Variants in SLCO2A1 observed in about 807,000 individuals in gnomAD.
SLCO2A1 encodes the protein solute carrier organic anion transporter family member 2A1.
Under a neutral mutation model 71.7 loss-of-function variants are expected in SLCO2A1, and 60 were observed. That is an observed-to-expected ratio of 0.84 (90% CI 0.68 to 1.04). The LOEUF (loss-of-function observed/expected upper bound fraction) is 1.04. Ranked by LOEUF, SLCO2A1 falls within the 50% of genes least tolerant of loss-of-function variation. SLCO2A1 has a pLI of 0.00. For synonymous variants in SLCO2A1, 308 were observed against 326.7 expected (o/e 0.94, Z 0.62); for missense variants, 745 against 813.4 (o/e 0.92, Z 1.02).
chr3:133,935,961 G>A (rs1045379146), intron 12 of SLCO2A1, 64 bp from the exon 13 acceptor site: 14 of 1,443,256 alleles, frequency 9.7e-6, no homozygotes, highest in Non-Finnish European at 1.3e-5. Context: ...CAGCAGGGGT[G>A]TGGGAGCCAA....
In SLCO2A1 at chr3:133,933,705, T is replaced by A. The variant is rs1244193867; in HGVS notation, c.*1008A>T. 6.6e-6 allele frequency: 1 copy of A among 152,278 alleles called. No homozygotes were observed. The highest frequency in any genetic ancestry group is 1.5e-5 in the Non-Finnish European group (1 of 68,082). The allele number at this position is 152,278 out of a possible 1,614,324, so 9.4% of individuals were successfully genotyped here. A position where few individuals can be genotyped will look rare whatever the true frequency, so the allele number is the denominator to read the frequency against. On this transcript the variant is annotated 3_prime_UTR_variant, in exon 14 of 14. Transcript: ENST00000310926. Reference sequence around the variant, plus strand: ...TGGTGACAGTGGACATCCACTCTGCTTCATCACTTGCTTTGCTGACATCTC... The same window carrying A: ...TGGTGACAGTGGACATCCACTCTGCATCATCACTTGCTTTGCTGACATCTC...
intron 12 of SLCO2A1, among the ~76,000 whole-genome samples, chr3:133,938,101 G>T (rs1275823484): frequency 1.3e-5 from 2 of 152,222 alleles, no homozygotes; most frequent in Non-Finnish European, 2.9e-5. Context: ...TGGCAGGAAT[G>T]CAAAGTTTTG....
intron 3 of SLCO2A1, among the ~76,000 whole-genome samples, chr3:133,956,364 C>T (rs1364568549): frequency 6.6e-6 from 1 of 152,162 alleles, no homozygotes; most frequent in Non-Finnish European, 1.5e-5. Context: ...CCCCTCTCCC[C>T]AGTCGCACAC....
At chr3:133,964,361 C>A (rs936956414) in intron 3 of SLCO2A1, among the ~76,000 whole-genome samples, 3 of 152,092 alleles carry the variant, frequency 2.0e-5, no homozygotes, top group Admixed American at 1.3e-4. Context: ...ATATTATAAC[C>A]TGGGACATAG....
Position 133,942,605 on chromosome 3 carries a change from C to T in SLCO2A1, c.1625G>A (p.Arg542His), listed in dbSNP as rs770432752. The T allele has an allele frequency of 2.6e-5, 42 of 1,609,888 alleles. No homozygotes were observed. The highest frequency in any genetic ancestry group is 3.3e-5 in the Non-Finnish European group (39 of 1,177,960). Residue 542 changes from arginine to histidine, a missense_variant and splice_region_variant, in exon 11 of 14, where the codon CGT (arginine) becomes CAT (histidine). Coordinates refer to ENST00000310926, the MANE Select transcript of SLCO2A1 (RefSeq NM_005630.3). ...AGACTCACAGAGGTTTGCCACTCAC[C>T]GCAGAACCATCATGTAGAGGGGGTT... ...SHNPLYMMVL[R>H]VVNQEEKSFA...
At chr3:134,029,619 T>C in intron 1 of SLCO2A1, 88 bp downstream of exon 1, 2 of 1,112,166 alleles carry the variant, frequency 1.8e-6, no homozygotes, top group Non-Finnish European at 2.5e-6. Flanking sequence ...TCCCGGAGCC[T>C]CCTGGCTCCG....
intron 1 of SLCO2A1, among the ~76,000 whole-genome samples, chr3:134,014,199 C>T (rs1468644145): frequency 6.6e-6 from 1 of 152,140 alleles, no homozygotes; most frequent in Non-Finnish European, 1.5e-5. Context: ...GGGGTCTGCC[C>T]TGTTCGGGGG....
intron 1 of SLCO2A1, among the ~76,000 whole-genome samples, chr3:133,998,011 T>C (rs1157183330): frequency 6.6e-6 from 1 of 152,180 alleles, no homozygotes; most frequent in Non-Finnish European, 1.5e-5. Flanking sequence ...GCTGGCTGTC[T>C]TATGCCAGGG....
chr3:133,956,978 T>A (rs983279959), intron 3 of SLCO2A1, among the ~76,000 whole-genome samples: 2 of 152,254 alleles, frequency 1.3e-5, no homozygotes, highest in African/African-American at 4.8e-5. Context: ...GAAATACTTT[T>A]GAAATAAAGC....
At chr3:133,998,203 C>T (rs1935019958) in intron 1 of SLCO2A1, among the ~76,000 whole-genome samples, 1 of 152,222 alleles carries the variant, frequency 6.6e-6, no homozygotes. Context: ...CACACATTTC[C>T]TCCTCCAGCT....
chr3:134,007,467 T>G (rs1488291151), intron 1 of SLCO2A1, among the ~76,000 whole-genome samples: 1 of 152,244 alleles, frequency 6.6e-6, no homozygotes, highest in African/African-American at 2.4e-5. Flanking sequence ...ATTTAGATCT[T>G]TTATTCATTT....
chr3:133,982,293 A>C (rs896784527), intron 1 of SLCO2A1, among the ~76,000 whole-genome samples: 12 of 152,120 alleles, frequency 7.9e-5, no homozygotes, highest in African/African-American at 2.9e-4. Context: ...CTAAAGACTA[A>C]TGCCCCCAAA....
chr3:133,970,263 G>A (rs930618431), intron 3 of SLCO2A1, among the ~76,000 whole-genome samples: 1 of 152,094 alleles, frequency 6.6e-6, no homozygotes, highest in African/African-American at 2.4e-5. Context: ...GCCCTACGAG[G>A]GCTATAAAAT....
At chr3:133,991,688 T>G (rs1028376545) in intron 1 of SLCO2A1, among the ~76,000 whole-genome samples, 1 of 151,804 alleles carries the variant, frequency 6.6e-6, no homozygotes, top group Non-Finnish European at 1.5e-5. Context: ...AAGAGGGGAG[T>G]GGCTAGGCTG....
intron 2 of SLCO2A1, among the ~76,000 whole-genome samples, chr3:133,975,673 C>T (rs941500971): frequency 2.0e-5 from 3 of 152,320 alleles, no homozygotes; most frequent in Non-Finnish European, 4.4e-5. Context: ...TCCAGCCATA[C>T]TGCCCCCAGC....
Position 133,948,480 on chromosome 3 carries a change from G to T in SLCO2A1, c.1105+56C>A, listed in dbSNP as rs962745905. The T allele has an allele frequency of 4.5e-6, 7 of 1,564,318 alleles. No homozygotes were observed. The Middle Eastern group carries it at 7.0e-4, about 156-fold the overall frequency. On this transcript the variant is annotated intron_variant, in intron 8 of 13. Transcript: ENST00000310926. The stretch of plus-strand genomic sequence containing the variant: ...CCATCCCTGGATGGGTGGCTGGAGT[G>T]CCTGCCTCCTGGCCCAGGCAAGCCC...
At chr3:134,006,967 C>A (rs1033261734) in intron 1 of SLCO2A1, among the ~76,000 whole-genome samples, 1 of 152,214 alleles carries the variant, frequency 6.6e-6, no homozygotes, top group African/African-American at 2.4e-5. Context: ...CAATTTCTCT[C>A]CATCCTCAAA....
intron 11 of SLCO2A1, chr3:133,942,332 C>G (rs947860479): frequency 6.2e-6 from 2 of 323,728 alleles, no homozygotes; most frequent in South Asian, 1.9e-4. Flanking sequence ...AGAGTGGAGG[C>G]GCCAACAGGG....
chr3:133,997,435 G>A lies in SLCO2A1; in HGVS notation c.97-17817C>T, dbSNP rs557158905. On this transcript the variant is annotated intron_variant, in intron 1 of 13. Coordinates refer to ENST00000310926, the MANE Select transcript of SLCO2A1 (RefSeq NM_005630.3). The stretch of plus-strand genomic sequence containing the variant: ...AATCAAGTTAACATGAGACCATGCT[G>A]AAATCAAGTGGGCTCTAATCCATTG... Among the ~76,000 whole-genome samples the A allele has an allele frequency of 1.2e-4, 19 of 152,368 alleles. No homozygotes were observed. In the South Asian group the frequency reaches 3.9e-3, roughly 32 times the overall value.
Sources: gnomAD v4.1 joint callset for allele counts (sites outside exome capture counted in the v4.1 genomes callset) on GRCh38, gnomAD v4.1.1 for gene constraint, MANE v1.5 for transcripts, NCBI Gene and HGNC (gene_info 2026-07-23, HGNC 2026-07-21) for gene names.